The following PEAK1 variants were observed in gnomAD, a reference collection of about 807,000 sequenced individuals.
The protein encoded by PEAK1 is pseudopodium enriched atypical kinase 1.
In PEAK1, 54 loss-of-function variants were observed where a neutral mutation model predicts 124.7. The ratio of observed to expected loss-of-function variants is 0.43; its 90% CI spans 0.35 to 0.54. The LOEUF (loss-of-function observed/expected upper bound fraction) is 0.54, where lower values mean the gene tolerates loss of function less well. Among genes scored for constraint, PEAK1 ranks in the 20% least tolerant of loss-of-function variants. PEAK1 has a pLI of 0.01. For synonymous variants in PEAK1, 719 were observed against 760.0 expected, an observed-to-expected ratio of 0.95 and a Z score of 0.89; for missense variants, 2,046 against 2,134.5, an observed-to-expected ratio of 0.96 and a Z score of 0.82.
intron 1 of PEAK1, chr15:77,403,856 A>G: frequency 1.0e-6 from 1 of 984,774 alleles, no homozygotes; most frequent in Non-Finnish European, 1.2e-6. Context: ...CATGCCACAT[A>G]TTTATTACAA....
chr15:77,320,672 T>A (rs376074359), intron 2 of PEAK1, among the ~76,000 whole-genome samples: 66 of 152,220 alleles, frequency 4.3e-4, no homozygotes, highest in African/African-American at 1.6e-3. Context: ...GCATTTTTTT[T>A]ATTATACTTT....
chr15:77,213,122 G>A (rs995943130), intron 6 of PEAK1, among the ~76,000 whole-genome samples: 8 of 152,068 alleles, frequency 5.3e-5, no homozygotes, highest in Non-Finnish European at 1.0e-4. Context: ...CCAATTAACT[G>A]GAACCCTTCA....
At chr15:77,131,560 C>T (rs898151468) in intron 9 of PEAK1, among the ~76,000 whole-genome samples, 1 of 152,198 alleles carries the variant, frequency 6.6e-6, no homozygotes, top group Non-Finnish European at 1.5e-5. Flanking sequence ...GTGATCCTAA[C>T]CAAGTCAGCC....
intron 8 of PEAK1, among the ~76,000 whole-genome samples, chr15:77,142,835 G>A (rs1234612293): frequency 2.6e-5 from 4 of 152,122 alleles, no homozygotes; most frequent in Admixed American, 6.6e-5. Context: ...TGGGGGAAGG[G>A]GAGAATGGAC....
intron 2 of PEAK1, among the ~76,000 whole-genome samples, chr15:77,304,141 CA>C (rs1300705919): frequency 2.0e-5 from 3 of 152,322 alleles, no homozygotes; most frequent in Admixed American, 1.3e-4. Context: ...CAATTTTCTT[CA>C]GTATTCCACT....
chr15:77,193,993 G>A (rs2057984165), intron 6 of PEAK1, among the ~76,000 whole-genome samples: 1 of 152,068 alleles, frequency 6.6e-6, no homozygotes, highest in East Asian at 1.9e-4. Context: ...TGCTCCTGTC[G>A]TCTGAAGCTC....
rs988925882 is a variant in PEAK1 at position 77,370,732 on chromosome 15, T to C, written c.-665-5507A>G. ...TGTCTTCAGATAACTTTTGTGAACA[T>C]AAAAATCCAACACATCGAGCCAGGC... On this transcript the variant is annotated intron_variant, in intron 1 of 9. Transcript: ENST00000682557. 38 of 984,988 alleles carry C rather than the reference T, an allele frequency of 3.9e-5. No individual in the cohort carries two copies. The African/African-American group carries it at 5.9e-4, about 15-fold the overall frequency. The allele number at this position is 984,988 out of a possible 1,614,324, so 61.0% of individuals were successfully genotyped here.
rs920097992 is a variant in PEAK1, at chr15:77,266,817, C to T, written c.-274-14291G>A. Among the ~76,000 whole-genome samples the T allele has an allele frequency of 5.3e-5, 8 of 152,226 alleles. 1 individual carries two copies. In the South Asian group the frequency reaches 1.5e-3, roughly 28 times the overall value. ...TACCACAAGAACATACCAGGAAAGC[C>T]GAGATAATCCACAGACCCTTTGAAG... On this transcript the variant is annotated intron_variant, in intron 5 of 9. Coordinates refer to ENST00000682557, the MANE Select transcript of PEAK1 (RefSeq NM_001385026.1).
intron 5 of PEAK1, among the ~76,000 whole-genome samples, chr15:77,279,976 CTGTT>C (rs776819902): frequency 6.6e-6 from 1 of 152,124 alleles, no homozygotes; most frequent in Non-Finnish European, 1.5e-5. Context: ...GGTGATGGGA[CTGTT>C]TGTTTCCTGT....
intron 6 of PEAK1, among the ~76,000 whole-genome samples, chr15:77,248,535 T>C (rs1433029659): frequency 2.6e-5 from 4 of 152,146 alleles, no homozygotes; most frequent in Non-Finnish European, 5.9e-5. Flanking sequence ...TAAGAATCCT[T>C]ATAAAGGAGA....
chr15:77,203,856 T>C (rs2058494006), intron 6 of PEAK1, among the ~76,000 whole-genome samples: 1 of 152,176 alleles, frequency 6.6e-6, no homozygotes, highest in Non-Finnish European at 1.5e-5. Flanking sequence ...GTGAGTTTAG[T>C]GATGACTTTT....
At chr15:77,327,542 T>C (rs2065649649) in intron 2 of PEAK1, among the ~76,000 whole-genome samples, 2 of 152,092 alleles carry the variant, frequency 1.3e-5, no homozygotes, top group Non-Finnish European at 2.9e-5. Flanking sequence ...TAAATATATA[T>C]GACAAAAGAT....
chr15:77,360,093 A>G (rs558877060), intron 2 of PEAK1, among the ~76,000 whole-genome samples: 1 of 152,234 alleles, frequency 6.6e-6, no homozygotes, highest in African/African-American at 2.4e-5. Flanking sequence ...AACAGAATTG[A>G]AAGTCCAGAA....
chr15:77,411,686 G>C (rs748158909), intron 1 of PEAK1, among the ~76,000 whole-genome samples: 12 of 152,096 alleles, frequency 7.9e-5, no homozygotes, highest in African/African-American at 2.7e-4. Flanking sequence ...GCTCACTGCA[G>C]CCTTGAACTT....
At chr15:77,275,175 A>C (rs1360391450) in intron 5 of PEAK1, among the ~76,000 whole-genome samples, 1 of 152,136 alleles carries the variant, frequency 6.6e-6, no homozygotes, top group Non-Finnish European at 1.5e-5. Flanking sequence ...GAATGATAAG[A>C]GGGAGGTGAG....
chr15:77,418,434 G>A (rs1003693505), intron 1 of PEAK1: 37 of 985,304 alleles, frequency 3.8e-5, no homozygotes, highest in South Asian at 9.4e-5. Flanking sequence ...GCAATGAAAA[G>A]GGGATGTTTG....
chr15:77,414,444 T>C (rs1236059234), intron 1 of PEAK1, among the ~76,000 whole-genome samples: 1 of 151,372 alleles, frequency 6.6e-6, no homozygotes, highest in African/African-American at 2.4e-5. Context: ...CTGATCTTAA[T>C]GTCCTGACCT....
At position 77,230,130 on chromosome 15, in the gene PEAK1, G is replaced by C. The variant is rs369729750; in HGVS notation, c.-115+22237C>G. Among the ~76,000 whole-genome samples, 27 of 152,132 alleles carry C rather than the reference G, an allele frequency of 1.8e-4. No homozygotes were observed. The East Asian group carries it at 3.1e-3, about 17-fold the overall frequency. On this transcript the variant is annotated intron_variant, in intron 6 of 9. Transcript: ENST00000682557. ...TTAAGACAGGGAAAACATTATAAAT[G>C]CTATTATAAAATACTTATTGGGTGA...
At chr15:77,144,924 AC>A (rs1329585687) in intron 8 of PEAK1, among the ~76,000 whole-genome samples, 1 of 152,162 alleles carries the variant, frequency 6.6e-6, no homozygotes, top group African/African-American at 2.4e-5. Context: ...AGCCCCTGGG[AC>A]CAGACACCAA....
Sources: gnomAD v4.1 joint callset for allele counts (sites outside exome capture counted in the v4.1 genomes callset) on GRCh38, gnomAD v4.1.1 for gene constraint, MANE v1.5 for transcripts, NCBI Gene and HGNC (gene_info 2026-07-23, HGNC 2026-07-21) for gene names.